Variants in DST observed in about 807,000 individuals in gnomAD.
The protein encoded by DST is dystonin, also known as bullous pemphigoid antigen.
DST carries 253 observed loss-of-function variants against 875.2 expected under a neutral mutation model. That is an observed-to-expected ratio of 0.29 (90% confidence interval 0.26 to 0.32). The LOEUF (loss-of-function observed/expected upper bound fraction) is 0.32, where lower values mean the gene tolerates loss of function less well. Among genes scored for constraint, DST ranks in the 10% least tolerant of loss-of-function variants. DST has a pLI of 1.00. For missense variants in DST, 8,287 were observed against 9,111.6 expected, an observed-to-expected ratio of 0.91 and a Z score of 3.68; for synonymous variants, 3,124 against 3,197.1, an observed-to-expected ratio of 0.98 and a Z score of 0.77.
At chr6:56,554,319 C>T (rs1282638040) in intron 60 of DST, among the ~76,000 whole-genome samples, 1 of 151,866 alleles carries the variant, frequency 6.6e-6, no homozygotes, top group East Asian at 1.9e-4. Flanking sequence ...CTCCTGACCT[C>T]GTGATCCGCC....
At chr6:56,520,753 A>C (rs1163077438) in intron 69 of DST, among the ~76,000 whole-genome samples, 13 of 151,950 alleles carry the variant, frequency 8.6e-5, no homozygotes. Flanking sequence ...TTTTAAAAGA[A>C]AGAAAACCAA....
chr6:56,526,219 A>T (rs2096794390), intron 69 of DST, 142 bp downstream of exon 69: 2 of 897,106 alleles, frequency 2.2e-6, no homozygotes, highest in Non-Finnish European at 3.3e-6. Flanking sequence ...AGCCCAGTCA[A>T]CTTCTTTTCA....
chr6:56,645,737 T>TG (rs34554796), intron 15 of DST, 129 bp downstream of exon 15: 1 of 1,088,030 alleles, frequency 9.2e-7, no homozygotes, highest in South Asian at 1.6e-5. Flanking sequence ...GGTAAGAAAA[T>TG]GGAGGATCAA....
rs755115874 is a variant in DST at position 56,619,412 on chromosome 6, A to G, written c.4930-4928T>C. 2.7e-5 allele frequency: 43 copies of G among 1,613,074 alleles called. No homozygotes were observed. Among genetic ancestry groups the G allele is most frequent in the Non-Finnish European group, 3.6e-5 (43 of 1,179,534 alleles). On this transcript the variant is annotated intron_variant, in intron 36 of 103. Coordinates refer to ENST00000680361, the MANE Select transcript of DST (RefSeq NM_001374736.1). ...TTTTTCAGCTTTGATATTTTGAAGCAACTGCTCATGGCTTTTCTCAAATTG... is the reference window on the plus strand; with the variant it reads ...TTTTTCAGCTTTGATATTTTGAAGCGACTGCTCATGGCTTTTCTCAAATTG...
At chr6:56,668,423 G>A (rs1035758735) in intron 10 of DST, among the ~76,000 whole-genome samples, 4 of 152,014 alleles carry the variant, frequency 2.6e-5, no homozygotes, top group Non-Finnish European at 5.9e-5. Flanking sequence ...TACAATTATA[G>A]TATTTTAAAA....
chr6:56,535,591 TAG>T (rs1243937848), intron 62 of DST, among the ~76,000 whole-genome samples: 18 of 152,360 alleles, frequency 1.2e-4, no homozygotes, highest in Middle Eastern at 3.4e-3. Flanking sequence ...TCAAATATTT[TAG>T]AGTTATCGTA....
chr6:56,789,074 G>T (rs1471037058), intron 4 of DST, among the ~76,000 whole-genome samples: 2 of 152,182 alleles, frequency 1.3e-5, no homozygotes, highest in Non-Finnish European at 2.9e-5. Context: ...TAGTGGTACA[G>T]TGGTTCACAC....
intron 82 of DST, 92 bp downstream of exon 82, chr6:56,497,287 G>C: frequency 7.0e-7 from 1 of 1,436,254 alleles, no homozygotes; most frequent in Non-Finnish European, 9.5e-7. Flanking sequence ...TATCTTTAAA[G>C]CCTTCTCCCA....
At chr6:56,598,029 A>G (rs1286471558) in intron 46 of DST, 23 bp from the exon 47 acceptor site, 1 of 1,557,908 alleles carries the variant, frequency 6.4e-7, no homozygotes, top group East Asian at 2.3e-5. Flanking sequence ...AGTTCACAGG[A>G]GGAATTCAGA....
At chr6:56,597,219 G>A (rs1038307987) in intron 47 of DST, among the ~76,000 whole-genome samples, 4 of 148,836 alleles carry the variant, frequency 2.7e-5, no homozygotes, top group Admixed American at 6.8e-5. Flanking sequence ...TAACCTGGGC[G>A]ACAGGGTGAG....
At chr6:56,899,770 C>T (rs966200049) in intron 3 of DST, among the ~76,000 whole-genome samples, 4 of 152,200 alleles carry the variant, frequency 2.6e-5, no homozygotes, top group Non-Finnish European at 2.9e-5. Context: ...CACAGAACAA[C>T]GTGCTCAGGA....
At chr6:56,654,100 A>C (rs2098991047) in intron 10 of DST, among the ~76,000 whole-genome samples, 1 of 152,188 alleles carries the variant, frequency 6.6e-6, no homozygotes, top group Non-Finnish European at 1.5e-5. Flanking sequence ...TAACTATTGT[A>C]ACTTGCCTGT....
chr6:56,787,700 C>T (rs1249187052), intron 4 of DST, among the ~76,000 whole-genome samples: 2 of 152,066 alleles, frequency 1.3e-5, no homozygotes, highest in Non-Finnish European at 2.9e-5. Context: ...AAATGCCAAA[C>T]TTTGTTTTAA....
rs778888075 is a variant in DST at position 56,571,090 on chromosome 6, G to A, written c.13721+1010C>T. On this transcript the variant is annotated intron_variant, in intron 53 of 103. Transcript: ENST00000680361. ...CTACAGAGACTCAGGAAACTCCCTG[G>A]TGAACTGTATGGGTCGTTCTGTATG... Among the ~76,000 whole-genome samples, 61 of 152,134 alleles carry A rather than the reference G, an allele frequency of 4.0e-4. 3 individuals carry two copies. The highest frequency in any genetic ancestry group is 3.7e-3 in the Admixed American group (57 of 15,282).
intron 49 of DST, among the ~76,000 whole-genome samples, chr6:56,584,926 G>A (rs1420195051): frequency 1.3e-5 from 2 of 151,968 alleles, no homozygotes; most frequent in Non-Finnish European, 2.9e-5. Flanking sequence ...AACCAGCCTT[G>A]CATCCCAGGG....
At chr6:56,470,003 A>G in intron 96 of DST, 46 bp from the exon 97 acceptor site, 4 of 1,606,798 alleles carry the variant, frequency 2.5e-6, no homozygotes, top group Non-Finnish European at 3.4e-6. Flanking sequence ...TCAATATTAC[A>G]TAGTACAATC....
At chr6:56,599,360 C>A (rs2098421784) in intron 45 of DST, among the ~76,000 whole-genome samples, 1 of 151,854 alleles carries the variant, frequency 6.6e-6, no homozygotes, top group Admixed American at 6.6e-5. Flanking sequence ...TTATTTTAAT[C>A]TTCTTCAAAT....
chr6:56,659,168 C>T (rs1312941921), intron 10 of DST, among the ~76,000 whole-genome samples: 3 of 152,166 alleles, frequency 2.0e-5, no homozygotes, highest in Admixed American at 2.0e-4. Flanking sequence ...GCTATGGTGG[C>T]TTGCAGAAGA....
At chr6:56,577,325 A>T (rs2097886339) in intron 50 of DST, among the ~76,000 whole-genome samples, 1 of 152,216 alleles carries the variant, frequency 6.6e-6, no homozygotes, top group South Asian at 2.1e-4. Flanking sequence ...CCAAGTCCTC[A>T]CAGCAATGGT....
Sources: gnomAD v4.1 joint callset for allele counts (sites outside exome capture counted in the v4.1 genomes callset) on GRCh38, gnomAD v4.1.1 for gene constraint, MANE v1.5 for transcripts, NCBI Gene and HGNC (gene_info 2026-07-23, HGNC 2026-07-21) for gene names.